Variants in MPP1 observed in about 807,000 individuals in gnomAD.
MPP1 encodes the protein MAGUK p55 scaffold protein 1, also known as 55 kDa erythrocyte membrane protein.
Under a neutral mutation model 38.2 loss-of-function variants are expected in MPP1, and 6 were observed. The ratio of observed to expected loss-of-function variants is 0.16; its 90% confidence interval spans 0.09 to 0.31. The LOEUF is 0.31. Among genes scored for constraint, MPP1 ranks in the 10% least tolerant of loss-of-function variants. MPP1 has a pLI of 1.00. For synonymous variants in MPP1, 153 were observed against 146.3 expected, an observed-to-expected ratio of 1.05 and a Z score of -0.33; for missense variants, 293 against 368.9, an observed-to-expected ratio of 0.79 and a Z score of 1.69.
intron 1 of MPP1, among the ~76,000 whole-genome samples, chrX:154,798,625 G>A (rs1466947658): frequency 8.9e-6 from 1 of 112,518 alleles, no homozygotes; most frequent in Admixed American, 9.4e-5. Context: ...ATGGGGTAGG[G>A]AGGAAGACAA....
chrX:154,793,955 C>T (rs1290741433), intron 1 of MPP1, among the ~76,000 whole-genome samples: 1 of 112,102 alleles, frequency 8.9e-6, no homozygotes, highest in Non-Finnish European at 1.9e-5. Flanking sequence ...AAAATTTCCT[C>T]AGCCTTTCTT....
At chrX:154,793,612 ATTCT>A (rs1220166863) in intron 1 of MPP1, among the ~76,000 whole-genome samples, 1 of 111,984 alleles carries the variant, frequency 8.9e-6, no homozygotes, top group Non-Finnish European at 1.9e-5. Context: ...TCACTATAAA[ATTCT>A]TTCATCTTTT....
rs781804995 is a variant in MPP1, at chrX:154,785,174, A to G, written c.678-17T>C. ...GCCACTCGCCTGGTAGGAAAAGACA[A>G]TCAAGGGGTCAGCTTTCCTCCCCCT... On this transcript the variant is annotated splice_polypyrimidine_tract_variant and intron_variant, in intron 6 of 11. Transcript: ENST00000369534. 4 of 1,148,559 alleles carry G rather than the reference A, an allele frequency of 3.5e-6. No homozygotes were observed. Among genetic ancestry groups the G allele is most frequent in the Non-Finnish European group, 3.5e-6 (3 of 855,141 alleles). The allele number at this position is 1,148,559 out of a possible 1,213,427, so 94.7% of individuals were successfully genotyped here.
chrX:154,796,539 G>C (rs1557268175), intron 1 of MPP1, among the ~76,000 whole-genome samples: 1 of 112,227 alleles, frequency 8.9e-6, no homozygotes, highest in Admixed American at 9.4e-5. Context: ...CAGCCAAAGA[G>C]GCTGGGAAGA....
At chrX:154,797,483 G>C (rs1248343957) in intron 1 of MPP1, among the ~76,000 whole-genome samples, 3 of 111,812 alleles carry the variant, frequency 2.7e-5, no homozygotes, top group Non-Finnish European at 5.6e-5. Context: ...AAGGGAACAG[G>C]ATAGGGAACC....
At chrX:154,800,379 A>G (rs782075638) in intron 1 of MPP1, among the ~76,000 whole-genome samples, 2 of 112,185 alleles carry the variant, frequency 1.8e-5, no homozygotes, top group East Asian at 5.6e-4. Flanking sequence ...CAGGTACTAA[A>G]TCCATCTGGG....
intron 9 of MPP1, 188 bp from the exon 10 acceptor site, chrX:154,781,990 G>A (rs1480168989): frequency 2.5e-5 from 9 of 366,521 alleles, no homozygotes; most frequent in Non-Finnish European, 4.2e-5. Flanking sequence ...CCCTCCATCT[G>A]CCCAGGACAC....
At chrX:154,790,716 C>T (rs182242627) in intron 4 of MPP1, among the ~76,000 whole-genome samples, 22 of 111,831 alleles carry the variant, frequency 2.0e-4, no homozygotes, top group Non-Finnish European at 3.0e-4. Context: ...TGGGATTCTA[C>T]TATATACGTT....
chrX:154,799,419 C>G (rs932108916), intron 1 of MPP1, among the ~76,000 whole-genome samples: 3 of 112,211 alleles, frequency 2.7e-5, no homozygotes, highest in African/African-American at 9.7e-5. Context: ...TCTCTGTGAC[C>G]TCATCTTACA....
chrX:154,793,758 T>C (rs1557267956), intron 1 of MPP1, among the ~76,000 whole-genome samples: 3 of 112,080 alleles, frequency 2.7e-5, no homozygotes, highest in African/African-American at 9.7e-5. Flanking sequence ...GGAACGAGCA[T>C]TTTCAAAACT....
chrX:154,804,240 G>A (rs1267264889), intron 1 of MPP1, among the ~76,000 whole-genome samples: 2 of 111,701 alleles, frequency 1.8e-5, no homozygotes, highest in African/African-American at 6.5e-5. Context: ...TTTTTCATCT[G>A]TGAAATCGGA....
chrX:154,790,392 G>A (rs1043268935), intron 4 of MPP1, among the ~76,000 whole-genome samples: 11 of 109,741 alleles, frequency 1.0e-4, no homozygotes, highest in East Asian at 2.8e-4. Flanking sequence ...ATTAGCCAGC[G>A]TGATGGTGGG....
At chrX:154,800,034 T>C (rs1233729706) in intron 1 of MPP1, 8 of 467,990 alleles carry the variant, frequency 1.7e-5, no homozygotes, top group Admixed American at 1.3e-4. Context: ...AGAACAAATA[T>C]TTGCTCAGCC....
intron 8 of MPP1, 46 bp from the exon 9 acceptor site, chrX:154,783,553 C>T (rs924923017): frequency 1.2e-5 from 13 of 1,070,429 alleles, no homozygotes; most frequent in South Asian, 3.9e-5. Context: ...GGGAGAGGAG[C>T]GAGGATAAGA....
At chrX:154,796,775 A>G (rs1557268189) in intron 1 of MPP1, among the ~76,000 whole-genome samples, 1 of 112,416 alleles carries the variant, frequency 8.9e-6, no homozygotes, top group Admixed American at 9.4e-5. Context: ...TGGCAGGTAA[A>G]AAGGGGAGAA....
chrX:154,784,646 G>T (rs1282335624), intron 7 of MPP1: 2 of 250,619 alleles, frequency 8.0e-6, no homozygotes, highest in Non-Finnish European at 1.5e-5. Context: ...AGCTGACCGT[G>T]CGAATTCTCT....
chrX:154,785,707 A>G (rs977690544), intron 6 of MPP1, among the ~76,000 whole-genome samples: 3 of 112,367 alleles, frequency 2.7e-5, no homozygotes, highest in African/African-American at 9.7e-5. Flanking sequence ...ATCAGTTGGA[A>G]CTGTTTTGTG....
At chrX:154,794,151 C>T (rs2072170971) in intron 1 of MPP1, among the ~76,000 whole-genome samples, 1 of 111,246 alleles carries the variant, frequency 9.0e-6, no homozygotes. Context: ...AAAGCCCAAA[C>T]CTGAAAATAG....
rs2072059263 is a variant in MPP1, at chrX:154,785,270, G to A, written c.678-113C>T. 5.5e-6 allele frequency: 3 copies of A among 542,223 alleles called. No individual in the cohort carries two copies. The East Asian group carries it at 1.1e-4, about 20-fold the overall frequency. The allele number at this position is 542,223 out of a possible 1,213,427, so 44.7% of individuals were successfully genotyped here. On this transcript the variant is annotated intron_variant, in intron 6 of 11. Transcript: ENST00000369534. ...TCACTCTCTGAGTGTCCATTACAGT[G>A]GGAGATAATGTGTGCAAAGCACCCC... is the stretch of plus-strand genomic sequence containing the variant.
Sources: allele counts gnomAD v4.1 joint callset (sites outside exome capture counted in the v4.1 genomes callset), GRCh38; gene constraint gnomAD v4.1.1; transcripts MANE v1.5; gene names NCBI Gene and HGNC (gene_info 2026-07-23, HGNC 2026-07-21).